TRMT44: variants seen among roughly 807,000 people sequenced by gnomAD.
TRMT44 encodes probable tRNA (uracil-O(2)-)-methyltransferase.
TRMT44 carries 78 observed loss-of-function variants against 77.3 expected under a neutral mutation model. The ratio of observed to expected loss-of-function variants is 1.01; its 90% CI spans 0.84 to 1.22. The LOEUF (loss-of-function observed/expected upper bound fraction) is 1.22. Ranked by LOEUF, TRMT44 falls within the 50% of genes most tolerant of loss-of-function variation. The pLI is 0.00. For synonymous variants in TRMT44, 391 were observed against 383.3 expected (o/e 1.02, Z -0.23); for missense variants, 1,090 against 964.4 (o/e 1.13, Z -1.73).
intron 2 of TRMT44, among the ~76,000 whole-genome samples, chr4:8,492,487 G>A (rs555149546): frequency 2.3e-4 from 35 of 152,254 alleles, no homozygotes; most frequent in African/African-American, 5.1e-4. Flanking sequence ...ATCCCCGGGC[G>A]TAGGCTCAAC....
intron 2 of TRMT44, among the ~76,000 whole-genome samples, chr4:8,448,951 A>G (rs1222577357): frequency 6.6e-6 from 1 of 152,194 alleles, no homozygotes; most frequent in Middle Eastern, 3.2e-3. Flanking sequence ...GCTTTCTCTC[A>G]TCTGCCCAGC....
intron 2 of TRMT44, among the ~76,000 whole-genome samples, chr4:8,489,395 T>C (rs978070553): frequency 2.6e-5 from 4 of 152,220 alleles, no homozygotes; most frequent in Admixed American, 2.6e-4. Flanking sequence ...ATCTTACCTT[T>C]CCCTCAATTA....
downstream of TRMT44, among the ~76,000 whole-genome samples, chr4:8,480,919 A>C (rs2109213149): frequency 1.3e-5 from 2 of 152,374 alleles, no homozygotes; most frequent in East Asian, 3.9e-4. Flanking sequence ...CCATATTTTG[A>C]AATGACCCTA....
chr4:8,482,506 A>G (rs1446952885), intron 2 of TRMT44: 1 of 152,200 alleles, frequency 6.6e-6, no homozygotes, highest in Non-Finnish European at 1.5e-5. Flanking sequence ...GAGTCAGCAA[A>G]GGGAGATAGG....
At chr4:8,455,751 G>A (rs2109119109) in intron 6 of TRMT44, among the ~76,000 whole-genome samples, 1 of 152,304 alleles carries the variant, frequency 6.6e-6, no homozygotes, top group African/African-American at 2.4e-5. Context: ...GCTGTACAAT[G>A]TTCCATTGAA....
Position 8,452,806 on chromosome 4 carries a change from G to T in TRMT44, c.1024-76G>T. On this transcript the variant is annotated intron_variant, in intron 4 of 10. Coordinates refer to ENST00000389737, the MANE Select transcript of TRMT44 (RefSeq NM_152544.3). The surrounding 1 kb of genome is among the most constrained non-coding windows in gnomAD (Gnocchi z 5.7). ...TTTCCTTTCACTCAGAGTTTTCTTT[G>T]ACCAGTTTGTGTCTAAATTATTCTT... is the stretch of plus-strand genomic sequence containing the variant. 1.3e-6 allele frequency: 1 copy of T among 760,878 alleles called. No homozygotes were observed. The highest frequency in any genetic ancestry group is 2.0e-6 in the Non-Finnish European group (1 of 492,242). The allele number at this position is 760,878 out of a possible 1,614,324, so 47.1% of individuals were successfully genotyped here. A position where few individuals can be genotyped will look rare whatever the true frequency, so the allele number is the denominator to read the frequency against.
the TRMT44 span, among the ~76,000 whole-genome samples, chr4:8,501,572 C>T: frequency 1.3e-5 from 2 of 152,204 alleles, no homozygotes; most frequent in Non-Finnish European, 2.9e-5. This position sits in a 1 kb window ranked among gnomAD's most constrained non-coding sequence, Gnocchi z 4.4. Flanking sequence ...ACTGTGAGAA[C>T]TCAGTGAGGG....
At chr4:8,456,868 A>G (rs1725839900) in intron 6 of TRMT44, among the ~76,000 whole-genome samples, 1 of 152,208 alleles carries the variant, frequency 6.6e-6, no homozygotes, top group Non-Finnish European at 1.5e-5. Context: ...GAGGCAGCAG[A>G]TGAGTTCCCA....
intron 9 of TRMT44, among the ~76,000 whole-genome samples, chr4:8,469,454 G>T (rs1404227586): frequency 2.6e-5 from 4 of 152,252 alleles, no homozygotes; most frequent in African/African-American, 9.6e-5. Context: ...AGGGACATCA[G>T]TGTGGTCTGA....
chr4:8,443,436 A>G (rs904945359), intron 1 of TRMT44, among the ~76,000 whole-genome samples: 3 of 152,230 alleles, frequency 2.0e-5, no homozygotes, highest in African/African-American at 4.8e-5. Context: ...TGTATCCTCC[A>G]TGGAATATAG....
At chr4:8,502,353 G>A in the TRMT44 span, among the ~76,000 whole-genome samples, 1 of 152,242 alleles carries the variant, frequency 6.6e-6, no homozygotes, top group East Asian at 1.9e-4. Flanking sequence ...GGTGGAGGGA[G>A]AGGAAGCTTC....
chr4:8,458,071 A>ACAT (rs34802769), intron 6 of TRMT44, among the ~76,000 whole-genome samples: 14,144 of 152,200 alleles, frequency 0.093, 1,243 homozygotes, highest in African/African-American at 0.23. Context: ...AAGCAAATTA[A>ACAT]CAGACAGTGT....
chr4:8,490,340 C>T (rs146807304), intron 2 of TRMT44, among the ~76,000 whole-genome samples: 2,495 of 150,944 alleles, frequency 0.017, 32 homozygotes, highest in Non-Finnish European at 0.027. Context: ...GTGGTGCGTC[C>T]GGAGTTTGTT....
At chr4:8,504,886 G>A in the TRMT44 span, among the ~76,000 whole-genome samples, 8 of 152,110 alleles carry the variant, frequency 5.3e-5, no homozygotes, top group African/African-American at 1.7e-4. The surrounding 1 kb of genome is among the most constrained non-coding windows in gnomAD (Gnocchi z 5.3). Context: ...TTCTAAATAG[G>A]CCCCCGCAGG....
At position 8,441,296 on chromosome 4, in the gene TRMT44, G is replaced by A. The variant is rs901921113; in HGVS notation, c.474G>A (p.Ser158=). ...CCCAAAGTCTCGCCCGTGGCAATTC[G>A]GAGTTGCTGGCCTTCCTCACCAGCT... ...DFSQSLARGN[S]ELLAFLTSSG... The change falls in exon 1 of 11, where the codon TCG becomes TCA. Residue 158 remains serine (S), a synonymous_variant. Transcript: ENST00000389737. 4 of 1,535,294 alleles carry A rather than the reference G, an allele frequency of 2.6e-6. No homozygotes were observed. The highest frequency in any genetic ancestry group is 1.2e-5 in the South Asian group (1 of 83,724).
At chr4:8,447,916 C>T (rs1220335208) in intron 2 of TRMT44, among the ~76,000 whole-genome samples, 1 of 152,168 alleles carries the variant, frequency 6.6e-6, no homozygotes, top group Non-Finnish European at 1.5e-5. Flanking sequence ...CAGTGGGCAC[C>T]TGGTGCAGGG....
At position 8,476,019 on chromosome 4, in the gene TRMT44, C is replaced by G; in HGVS notation, c.*18C>G. 1 of 1,610,194 alleles carries G rather than the reference C, an allele frequency of 6.2e-7. No homozygotes were observed. Among genetic ancestry groups the G allele is most frequent in the Non-Finnish European group, 8.5e-7 (1 of 1,177,524 alleles). On this transcript the variant is annotated 3_prime_UTR_variant, in exon 11 of 11. Transcript: ENST00000389737. ...TTTCATGAGCTGCATCCTTGCCAGC[C>G]GAGGCCTGGTTGGGGAGGCCAAACC...
At chr4:8,443,485 C>G (rs1294944842) in intron 1 of TRMT44, among the ~76,000 whole-genome samples, 2 of 152,182 alleles carry the variant, frequency 1.3e-5, no homozygotes, top group Non-Finnish European at 2.9e-5. Context: ...CAATTACAAG[C>G]TGTATGGCTG....
At chr4:8,459,928 G>T (rs1450835795) in intron 6 of TRMT44, among the ~76,000 whole-genome samples, 1 of 152,170 alleles carries the variant, frequency 6.6e-6, no homozygotes, top group African/African-American at 2.4e-5. Flanking sequence ...GGCCGCCGCT[G>T]GAGAAGAGAA....
Sources: gnomAD v4.1 joint callset for allele counts (sites outside exome capture counted in the v4.1 genomes callset) on GRCh38, gnomAD v4.1.1 for gene constraint, Gnocchi (gnomAD v3.1) non-coding constraint, MANE v1.5 for transcripts, NCBI Gene and HGNC (gene_info 2026-07-23, HGNC 2026-07-21) for gene names.